Variants in RGS6 observed in about 807,000 individuals in gnomAD.
RGS6 encodes the protein regulator of G-protein signaling 6.
Under a neutral mutation model 78.5 loss-of-function variants are expected in RGS6, and 30 were observed. The ratio of observed to expected loss-of-function variants is 0.38; its 90% CI spans 0.29 to 0.52. The LOEUF is 0.52. RGS6 is among the 20% of genes least tolerant of loss of function. RGS6 has a pLI of 0.85. For synonymous variants in RGS6, 206 were observed against 206.0 expected (o/e 1.00, Z 0.00); for missense variants, 495 against 609.7 (o/e 0.81, Z 1.98).
chr14:72,501,389 T>G (rs2096724029), intron 13 of RGS6, among the ~76,000 whole-genome samples: 1 of 132,438 alleles, frequency 7.6e-6, no homozygotes. Flanking sequence ...GAAAGTTATA[T>G]TCAGAGGGGA....
chr14:72,318,965 C>A (rs189084596), intron 2 of RGS6, among the ~76,000 whole-genome samples: 4 of 152,304 alleles, frequency 2.6e-5, no homozygotes, highest in African/African-American at 4.8e-5. Context: ...AACAGTAAAT[C>A]AGGTAAATTT....
At chr14:72,263,676 C>T (rs1162802262) in intron 2 of RGS6, among the ~76,000 whole-genome samples, 1 of 152,150 alleles carries the variant, frequency 6.6e-6, no homozygotes, top group Non-Finnish European at 1.5e-5. Context: ...ACCCCTTTCA[C>T]CATGTGAGGA....
At chr14:72,175,189 C>T (rs2097089329) in intron 2 of RGS6, among the ~76,000 whole-genome samples, 1 of 152,156 alleles carries the variant, frequency 6.6e-6, no homozygotes, top group South Asian at 2.1e-4. Context: ...TCATTCTCTC[C>T]ATCCTCTCAG....
chr14:72,580,280 C>T, the RGS6 span, among the ~76,000 whole-genome samples: 1 of 150,680 alleles, frequency 6.6e-6, no homozygotes, highest in Non-Finnish European at 1.5e-5. Context: ...ACACCACTTC[C>T]CTAGACCCTG....
At chr14:72,304,426 T>A (rs2066781906) in intron 2 of RGS6, among the ~76,000 whole-genome samples, 1 of 152,238 alleles carries the variant, frequency 6.6e-6, no homozygotes, top group African/African-American at 2.4e-5. Context: ...TTACTTATCT[T>A]GTTCCCTGTT....
At chr14:71,871,638 C>G in the RGS6 span, among the ~76,000 whole-genome samples, 3 of 152,256 alleles carry the variant, frequency 2.0e-5, no homozygotes, top group South Asian at 6.2e-4. Context: ...TAGGTGTCAC[C>G]TGCAAGCCCA....
intron 2 of RGS6, among the ~76,000 whole-genome samples, chr14:72,088,422 A>G (rs1289512006): frequency 1.3e-5 from 2 of 152,090 alleles, no homozygotes; most frequent in East Asian, 3.9e-4. Context: ...ACCACGTATC[A>G]CTATATTTCT....
At chr14:72,533,987 C>A (rs1258248929) in intron 15 of RGS6, among the ~76,000 whole-genome samples, 3 of 152,226 alleles carry the variant, frequency 2.0e-5, no homozygotes, top group African/African-American at 7.2e-5. Flanking sequence ...GGATTGACTG[C>A]AATTTTGAAA....
intron 2 of RGS6, among the ~76,000 whole-genome samples, chr14:72,067,147 C>T (rs1330179196): frequency 6.6e-6 from 1 of 152,150 alleles, no homozygotes; most frequent in Non-Finnish European, 1.5e-5. Flanking sequence ...TTTATAGCAG[C>T]ATGATTTATA....
At chr14:72,260,683 A>C (rs1181101493) in intron 2 of RGS6, among the ~76,000 whole-genome samples, 1 of 152,194 alleles carries the variant, frequency 6.6e-6, no homozygotes, top group Non-Finnish European at 1.5e-5. Flanking sequence ...GGAGATTGGC[A>C]TCTCACTTCC....
intron 2 of RGS6, among the ~76,000 whole-genome samples, chr14:71,981,360 T>G (rs1294394027): frequency 6.6e-6 from 1 of 152,214 alleles, no homozygotes; most frequent in Non-Finnish European, 1.5e-5. Flanking sequence ...GTTTCCCGTT[T>G]TTCTATTCTG....
the RGS6 span, among the ~76,000 whole-genome samples, chr14:71,925,390 A>G: frequency 6.6e-6 from 1 of 152,164 alleles, no homozygotes; most frequent in East Asian, 1.9e-4. Flanking sequence ...TTTGCTTTAC[A>G]GAAGCTTTTA....
chr14:72,249,125 T>C (rs1383079457), intron 2 of RGS6, among the ~76,000 whole-genome samples: 5 of 152,170 alleles, frequency 3.3e-5, no homozygotes, highest in Admixed American at 1.3e-4. Flanking sequence ...CCTGTACACA[T>C]GGGAGATAAT....
In RGS6 at chr14:72,029,872, A is replaced by G. The variant is rs184715124; in HGVS notation, c.84+64997A>G. Among the ~76,000 whole-genome samples, 6 of 152,342 alleles carry G rather than the reference A, an allele frequency of 3.9e-5. No individual in the cohort carries two copies. In the East Asian group the frequency reaches 5.8e-4, roughly 15 times the overall value. On this transcript the variant is annotated intron_variant, in intron 2 of 17. Coordinates refer to ENST00000553525, the MANE Select transcript of RGS6 (RefSeq NM_001204424.2). ...GAACTGAAGGTGAATACTGACTGTCATATTTAATAAGTAGTGATGGAATTT... is the reference window on the plus strand; with the variant it reads ...GAACTGAAGGTGAATACTGACTGTCGTATTTAATAAGTAGTGATGGAATTT...
At chr14:72,245,213 A>G (rs952153156) in intron 2 of RGS6, among the ~76,000 whole-genome samples, 7 of 152,364 alleles carry the variant, frequency 4.6e-5, no homozygotes, top group African/African-American at 1.7e-4. Flanking sequence ...TTTATGTGGC[A>G]TGGGAATCTT....
At chr14:72,337,443 A>G (rs1456536610) in intron 2 of RGS6, among the ~76,000 whole-genome samples, 2 of 152,052 alleles carry the variant, frequency 1.3e-5, no homozygotes, top group South Asian at 4.2e-4. Context: ...GAAGGACCCT[A>G]TTGTTTAGAG....
At chr14:72,100,654 G>A (rs1399686808) in intron 2 of RGS6, among the ~76,000 whole-genome samples, 6 of 152,172 alleles carry the variant, frequency 3.9e-5, no homozygotes, top group South Asian at 2.1e-4. Context: ...GTGTCTTCAC[G>A]TAGTTTTCCC....
intron 13 of RGS6, among the ~76,000 whole-genome samples, chr14:72,495,743 C>T (rs548235992): frequency 1.3e-5 from 2 of 152,144 alleles, no homozygotes; most frequent in Non-Finnish European, 2.9e-5. Flanking sequence ...ACTGCTAGTA[C>T]AGCAGAGTTA....
At chr14:72,180,756 T>C (rs1362138803) in intron 2 of RGS6, among the ~76,000 whole-genome samples, 1 of 152,184 alleles carries the variant, frequency 6.6e-6, no homozygotes, top group African/African-American at 2.4e-5. Context: ...GCTGTTATCA[T>C]GGGAATGAGT....
Sources: allele counts gnomAD v4.1 joint callset (sites outside exome capture counted in the v4.1 genomes callset), GRCh38; gene constraint gnomAD v4.1.1; transcripts MANE v1.5; gene names NCBI Gene and HGNC (gene_info 2026-07-23, HGNC 2026-07-21).